Variants in NTRK3 observed in about 807,000 individuals in gnomAD.
NTRK3 encodes neurotrophic receptor tyrosine kinase 3.
A neutral mutation model predicts 91.7 loss-of-function variants in NTRK3; 24 were observed. That is an observed-to-expected ratio of 0.26 (90% CI 0.19 to 0.37). NTRK3 has a LOEUF of 0.37. NTRK3 is among the 10% of genes least tolerant of loss of function. The pLI is 1.00. For missense variants in NTRK3, 880 were observed against 1,068.9 expected, an observed-to-expected ratio of 0.82 and a Z score of 2.46; for synonymous variants, 483 against 404.0, an observed-to-expected ratio of 1.20 and a Z score of -2.34.
At chr15:88,123,409 G>A (rs1434802921) in intron 13 of NTRK3, among the ~76,000 whole-genome samples, 1 of 152,216 alleles carries the variant, frequency 6.6e-6, no homozygotes, top group African/African-American at 2.4e-5. Context: ...GGGAACTTCT[G>A]GTACCGGTGT....
At chr15:87,941,725 A>G (rs1298417494) in intron 14 of NTRK3, among the ~76,000 whole-genome samples, 1 of 152,194 alleles carries the variant, frequency 6.6e-6, no homozygotes, top group Non-Finnish European at 1.5e-5. Context: ...TGCCTCTGCT[A>G]ATTTAGCAAC....
intron 17 of NTRK3, among the ~76,000 whole-genome samples, chr15:87,912,931 A>AAATATATATAT (rs1484111389): frequency 2.7e-5 from 1 of 36,504 alleles, no homozygotes; most frequent in Non-Finnish European, 4.7e-5. Flanking sequence ...AGTAAAAAAA[A>AAATATATATAT]ATATATATAT....
chr15:88,072,596 C>T, intron 13 of NTRK3: 1 of 232,480 alleles, frequency 4.3e-6, no homozygotes, highest in East Asian at 6.1e-5. Context: ...AAGCTCCAGG[C>T]CATCTAGAAA....
rs1194651339 is a variant in NTRK3 at position 88,237,939 on chromosome 15, C to T, written c.248+17967G>A. ...GTTGAAGTCCTAACCCCCAGTACCT[C>T]GGAATGTAACTGTATTTGGAGATAG... On this transcript the variant is annotated intron_variant, in intron 3 of 18. Coordinates refer to ENST00000394480, the Ensembl canonical transcript of NTRK3. The surrounding 1 kb of genome is among the most constrained non-coding windows in gnomAD (Gnocchi z 4.0). Among the ~76,000 whole-genome samples the T allele has an allele frequency of 2.6e-5, 4 of 152,094 alleles. No homozygotes were observed. Among genetic ancestry groups the T allele is most frequent in the Non-Finnish European group, 4.4e-5 (3 of 68,014 alleles).
intron 5 of NTRK3, among the ~76,000 whole-genome samples, chr15:88,162,261 T>C (rs575098970): frequency 6.6e-6 from 1 of 152,314 alleles, no homozygotes; most frequent in Admixed American, 6.5e-5. Context: ...CACTCCTTTC[T>C]CTTCTGAAAT....
At chr15:88,135,431 A>C (rs769816830) in intron 9 of NTRK3, 34 bp from the exon 10 acceptor site, 7 of 1,606,994 alleles carry the variant, frequency 4.4e-6, no homozygotes, top group Non-Finnish European at 5.9e-6. Context: ...AATCCAGGAC[A>C]CAGAGTCTAC....
At chr15:87,875,488 C>T (rs2064924546) in exon 19 of NTRK3, 1 of 232,534 alleles carries the variant, frequency 4.3e-6, no homozygotes, top group South Asian at 1.8e-4. Context: ...GGGCTCAGGC[C>T]TCATTAAGAT....
chr15:88,183,537 A>C (rs765604640), intron 4 of NTRK3, 48 bp from the exon 5 acceptor site: 6 of 1,549,338 alleles, frequency 3.9e-6, no homozygotes, highest in Admixed American at 1.7e-5. Context: ...TGGCAGAGGG[A>C]TATCTGCTCT....
intron 5 of NTRK3, among the ~76,000 whole-genome samples, chr15:88,171,124 C>T (rs1010382268): frequency 6.6e-6 from 1 of 152,122 alleles, no homozygotes; most frequent in Non-Finnish European, 1.5e-5. Flanking sequence ...AAACAGCTGT[C>T]GGAGGAAGGG....
exon 19 of NTRK3, chr15:87,862,459 C>G (rs2064553549): frequency 4.4e-6 from 1 of 228,090 alleles, no homozygotes; most frequent in Non-Finnish European, 8.7e-6. Flanking sequence ...TTGGATGGTA[C>G]AGAGGCATTC....
chr15:87,994,790 G>T (rs2141542426), intron 14 of NTRK3, among the ~76,000 whole-genome samples: 1 of 152,194 alleles, frequency 6.6e-6, no homozygotes, highest in East Asian at 1.9e-4. Flanking sequence ...GATGTTGCAG[G>T]ACTATCTGTG....
chr15:88,061,594 C>G (rs1241773383), intron 13 of NTRK3, among the ~76,000 whole-genome samples: 1 of 152,240 alleles, frequency 6.6e-6, no homozygotes, highest in Admixed American at 6.5e-5. Context: ...GATGGGCCCA[C>G]GGACACTCAC....
chr15:87,979,043 G>C (rs1022184899), intron 14 of NTRK3: 3 of 486,534 alleles, frequency 6.2e-6, no homozygotes, highest in Non-Finnish European at 1.1e-5. Flanking sequence ...GTATTTAAAA[G>C]ATGCTCCTGG....
chr15:88,071,145 T>A (rs2047058112), intron 13 of NTRK3, among the ~76,000 whole-genome samples: 1 of 152,204 alleles, frequency 6.6e-6, no homozygotes, highest in Admixed American at 6.5e-5. Flanking sequence ...AGGAGGCAGC[T>A]CCGATTAAGT....
chr15:87,972,913 C>A (rs1341515013), intron 14 of NTRK3, among the ~76,000 whole-genome samples: 1 of 152,206 alleles, frequency 6.6e-6, no homozygotes, highest in African/African-American at 2.4e-5. Context: ...GCCATCAGTA[C>A]CTTCTACGTC....
chr15:88,172,227 G>T (rs1000619080), intron 5 of NTRK3, among the ~76,000 whole-genome samples: 2 of 152,168 alleles, frequency 1.3e-5, no homozygotes, highest in African/African-American at 4.8e-5. Context: ...AGGAAACAAG[G>T]GAGAAAGAGA....
intron 14 of NTRK3, among the ~76,000 whole-genome samples, chr15:88,003,052 A>G (rs2076231077): frequency 6.6e-6 from 1 of 152,216 alleles, no homozygotes; most frequent in East Asian, 1.9e-4. Context: ...ATAATCACAG[A>G]GCAAAGGGCA....
chr15:88,072,944 T>A (rs1319797638), intron 13 of NTRK3: 3 of 222,936 alleles, frequency 1.3e-5, no homozygotes, highest in African/African-American at 6.7e-5. Flanking sequence ...TTATTAAGCA[T>A]CAACCATTAG....
chr15:88,136,708 A>G, intron 7 of NTRK3, 99 bp from the exon 8 acceptor site: 1 of 1,449,990 alleles, frequency 6.9e-7, no homozygotes, highest in Non-Finnish European at 9.3e-7. Flanking sequence ...TGCCTTGCCC[A>G]GTAATGACTC....
Sources: gnomAD v4.1 joint callset for allele counts (sites outside exome capture counted in the v4.1 genomes callset) on GRCh38, gnomAD v4.1.1 for gene constraint, Gnocchi (gnomAD v3.1) non-coding constraint, MANE v1.5 for transcripts, NCBI Gene and HGNC (gene_info 2026-07-23, HGNC 2026-07-21) for gene names.